Variants in NRCAM observed in about 807,000 individuals in gnomAD.
The protein encoded by NRCAM is NgCAM-related cell adhesion molecule.
In NRCAM, 83 loss-of-function variants were observed where a neutral mutation model predicts 156.5. That is an observed-to-expected ratio of 0.53 (90% CI 0.44 to 0.64). The LOEUF (loss-of-function observed/expected upper bound fraction) is 0.64. Ranked by LOEUF, NRCAM falls within the 30% of genes least tolerant of loss-of-function variation. The probability of loss-of-function intolerance (pLI) is 0.00; values close to 1 mark genes in which losing one functional copy is unlikely to be tolerated. For missense variants in NRCAM, 1,417 were observed against 1,597.3 expected, an observed-to-expected ratio of 0.89 and a Z score of 1.92; for synonymous variants, 538 against 563.9, an observed-to-expected ratio of 0.95 and a Z score of 0.65.
chr7:108,150,131 T>C lies in NRCAM; in HGVS notation c.3694A>G (p.Lys1232Glu), dbSNP rs1415995435. The C allele has an allele frequency of 5.6e-6, 9 of 1,605,034 alleles. No homozygotes were observed. Among genetic ancestry groups the C allele is most frequent in the Non-Finnish European group, 7.6e-6 (9 of 1,177,810 alleles). Residue 1232 changes from lysine (K) to glutamate (E), a missense_variant, in exon 33 of 33, where the codon AAG becomes GAG. Physicochemically the swap from Lys to Glu is moderately conservative, Grantham distance 56 (BLOSUM62 1). Around this residue, in one of 2 missense-constraint regions of NRCAM, gnomAD observed 179 missense variants for 260.9 expected, o/e 0.69. Coordinates refer to ENST00000379028, the MANE Select transcript of NRCAM (RefSeq NM_001037132.4). The part of the protein sequence containing the change: ...FGEYSDAEDH[K>E]PLKKGSRTPS... Reference sequence around the variant, plus strand: ...GTTCGACTTCCTTTTTTCAAAGGCTTGTGGTCTTCTGCATCACTGGAAGAA... The same window carrying C: ...GTTCGACTTCCTTTTTTCAAAGGCTCGTGGTCTTCTGCATCACTGGAAGAA...
intron 2 of NRCAM, among the ~76,000 whole-genome samples, chr7:108,389,814 C>T (rs1490676645): frequency 3.3e-5 from 5 of 152,084 alleles, no homozygotes; most frequent in Admixed American, 3.3e-4. Flanking sequence ...TTGAGATAGT[C>T]ATGTGGTTTT....
intron 2 of NRCAM, among the ~76,000 whole-genome samples, chr7:108,389,159 AT>A (rs1423359871): frequency 4.6e-5 from 7 of 152,210 alleles, no homozygotes; most frequent in African/African-American, 1.4e-4. Flanking sequence ...CAGTATGGCC[AT>A]TTTCACGATA....
intron 1 of NRCAM, among the ~76,000 whole-genome samples, chr7:108,428,424 G>A (rs1342765175): frequency 6.6e-6 from 1 of 152,188 alleles, no homozygotes; most frequent in Non-Finnish European, 1.5e-5. Flanking sequence ...GAAAAGCATG[G>A]AGACCAACCT....
Position 108,330,803 on chromosome 7 carries a change from T to C in NRCAM, c.-173-18072A>G, listed in dbSNP as rs77910394. On this transcript the variant is annotated intron_variant, in intron 2 of 32. Transcript: ENST00000379028. ...TCATTTTAAGCTCATCAGGTTATTA[T>C]ATTTTATCATCTGGTTTAACACACT... Among the ~76,000 whole-genome samples the C allele has an allele frequency of 2.6e-4, 39 of 152,332 alleles. No individual in the cohort carries two copies. The East Asian group carries it at 7.1e-3, about 28-fold the overall frequency.
chr7:108,315,012 C>G (rs191316915), intron 2 of NRCAM, among the ~76,000 whole-genome samples: 2 of 151,660 alleles, frequency 1.3e-5, no homozygotes, highest in East Asian at 3.9e-4. Flanking sequence ...CCCCCACCCC[C>G]CCAACAACCC....
At chr7:108,360,204 C>G (rs993680397) in intron 2 of NRCAM, among the ~76,000 whole-genome samples, 2 of 151,904 alleles carry the variant, frequency 1.3e-5, no homozygotes, top group African/African-American at 2.4e-5. Flanking sequence ...AGGTAGAAGG[C>G]TACAAATCTA....
At chr7:108,265,252 C>G (rs574680809) in intron 3 of NRCAM, among the ~76,000 whole-genome samples, 77 of 152,310 alleles carry the variant, frequency 5.1e-4, no homozygotes, top group African/African-American at 1.8e-3. Flanking sequence ...CCTGCATAAA[C>G]CCTGGAGCTT....
At chr7:108,345,919 C>T (rs1444775713) in intron 2 of NRCAM, among the ~76,000 whole-genome samples, 4 of 152,138 alleles carry the variant, frequency 2.6e-5, no homozygotes, top group African/African-American at 7.2e-5. Flanking sequence ...GCCCAGGAGT[C>T]GATGGCAGAG....
chr7:108,425,290 C>T (rs996387411), intron 1 of NRCAM, among the ~76,000 whole-genome samples: 1 of 152,178 alleles, frequency 6.6e-6, no homozygotes, highest in Non-Finnish European at 1.5e-5. Flanking sequence ...ATTTTCCCAA[C>T]TTTTATTTCA....
At chr7:108,388,128 T>C (rs369394567) in intron 2 of NRCAM, among the ~76,000 whole-genome samples, 23 of 152,270 alleles carry the variant, frequency 1.5e-4, no homozygotes, top group African/African-American at 2.9e-4. Flanking sequence ...CCTGAGGAAT[T>C]GCCACACTGA....
chr7:108,417,039 A>G (rs1273676172), intron 1 of NRCAM, among the ~76,000 whole-genome samples: 1 of 152,208 alleles, frequency 6.6e-6, no homozygotes, highest in Non-Finnish European at 1.5e-5. Flanking sequence ...GTCACTGACC[A>G]TTTATTTCAA....
chr7:108,216,378 T>G (rs2088888837), intron 11 of NRCAM, among the ~76,000 whole-genome samples: 1 of 152,166 alleles, frequency 6.6e-6, no homozygotes, highest in African/African-American at 2.4e-5. Flanking sequence ...GTGAATCTGA[T>G]GATTATTTGT....
At chr7:108,282,051 A>C (rs988476985) in intron 3 of NRCAM, among the ~76,000 whole-genome samples, 1 of 152,224 alleles carries the variant, frequency 6.6e-6, no homozygotes, top group South Asian at 2.1e-4. Flanking sequence ...GAATAGCTTA[A>C]ATAACAAGCA....
At chr7:108,413,699 A>G (rs1241957588) in intron 1 of NRCAM, among the ~76,000 whole-genome samples, 3 of 152,244 alleles carry the variant, frequency 2.0e-5, no homozygotes, top group Non-Finnish European at 4.4e-5. Flanking sequence ...GGGGGCAATT[A>G]ACCAACAGAC....
chr7:108,322,754 T>C (rs1362381690), intron 2 of NRCAM, among the ~76,000 whole-genome samples: 1 of 152,184 alleles, frequency 6.6e-6, no homozygotes, highest in Non-Finnish European at 1.5e-5. Flanking sequence ...TATGAAACAC[T>C]GATCTTAAAA....
intron 14 of NRCAM, among the ~76,000 whole-genome samples, chr7:108,197,050 G>C (rs538950779): frequency 6.6e-6 from 1 of 152,168 alleles, no homozygotes; most frequent in South Asian, 2.1e-4. Context: ...CCTTCATGTC[G>C]TTCATGTCAT....
At position 108,160,362 on chromosome 7, in the gene NRCAM, T is replaced by A. The variant is rs1437204601; in HGVS notation, c.3597A>T (p.Pro1199=). 6.2e-7 allele frequency: 1 copy of A among 1,612,600 alleles called. No homozygotes were observed. The highest frequency in any genetic ancestry group is 1.1e-5 in the South Asian group (1 of 90,940). ...FIRRNKGGKY[P]VKEKEDAHAD... Reference sequence around the variant, plus strand: ...GCAATTTTAATCTTTCTTTCTTACCTGGATATTTACCACCCTTGTTTCTTC... The same window carrying A: ...GCAATTTTAATCTTTCTTTCTTACCAGGATATTTACCACCCTTGTTTCTTC... Residue 1199 remains proline, a splice_region_variant and synonymous_variant, in exon 31 of 33, where the codon CCA becomes CCT. Coordinates refer to ENST00000379028, the MANE Select transcript of NRCAM (RefSeq NM_001037132.4).
At chr7:108,187,462 T>C (rs2153408823) in intron 20 of NRCAM, among the ~76,000 whole-genome samples, 1 of 152,356 alleles carries the variant, frequency 6.6e-6, no homozygotes, top group East Asian at 1.9e-4. Context: ...CTCCCCTGTC[T>C]TGATTGACAC....
At chr7:108,217,269 G>T (rs1207027443) in intron 11 of NRCAM, among the ~76,000 whole-genome samples, 1 of 152,220 alleles carries the variant, frequency 6.6e-6, no homozygotes, top group Non-Finnish European at 1.5e-5. Flanking sequence ...AGCAAAGGTT[G>T]CTGCCTGTTC....
Sources: allele counts gnomAD v4.1 joint callset (sites outside exome capture counted in the v4.1 genomes callset), GRCh38; gene constraint gnomAD v4.1.1; regional missense constraint gnomAD v4.1.1; transcripts MANE v1.5; gene names NCBI Gene and HGNC (gene_info 2026-07-23, HGNC 2026-07-21).